The following BRD10 variants were observed in gnomAD, a reference collection of about 807,000 sequenced individuals.
BRD10 encodes bromodomain containing 10.
At chr9:6,007,557 G>A in the BRD10 span, 3 of 1,612,912 alleles carry the variant, frequency 1.9e-6, no homozygotes, top group Non-Finnish European at 2.5e-6. Context: ...GCTGTAGCTC[G>A]TAGGTCAGCT....
chr9:5,951,441 GATCT>G, the BRD10 span, among the ~76,000 whole-genome samples: 207 of 152,114 alleles, frequency 1.4e-3, no homozygotes, highest in African/African-American at 4.6e-3. Flanking sequence ...TTACAAAAGG[GATCT>G]ATTATCTATC....
the BRD10 span, among the ~76,000 whole-genome samples, chr9:5,879,432 T>C: frequency 3.3e-5 from 5 of 151,034 alleles, no homozygotes. Context: ...CTGATGGGAG[T>C]TGCAGCCCCC....
At chr9:5,889,247 T>C in the BRD10 span, among the ~76,000 whole-genome samples, 2 of 152,176 alleles carry the variant, frequency 1.3e-5, no homozygotes, top group Non-Finnish European at 2.9e-5. Flanking sequence ...TTGGAATAAA[T>C]TGGGCTACGA....
chr9:5,938,352 G>A, the BRD10 span, among the ~76,000 whole-genome samples: 2 of 151,980 alleles, frequency 1.3e-5, no homozygotes, highest in African/African-American at 4.8e-5. Context: ...TGAGGTGGGA[G>A]AATCACTTAA....
chr9:5,981,281 G>T, the BRD10 span, among the ~76,000 whole-genome samples: 1 of 152,322 alleles, frequency 6.6e-6, no homozygotes, highest in African/African-American at 2.4e-5. Flanking sequence ...TCCTTCAATA[G>T]AAGTATCTTC....
At chr9:5,899,472 C>T in the BRD10 span, among the ~76,000 whole-genome samples, 4 of 152,140 alleles carry the variant, frequency 2.6e-5, no homozygotes, top group African/African-American at 7.2e-5. Context: ...ACACACCCAC[C>T]GAGCATAGCC....
the BRD10 span, among the ~76,000 whole-genome samples, chr9:5,893,146 A>G: frequency 6.6e-6 from 1 of 152,214 alleles, no homozygotes; most frequent in Non-Finnish European, 1.5e-5. Flanking sequence ...CACTGTTTTT[A>G]TCTTTGAAAA....
At chr9:5,890,445 TC>T in the BRD10 span, among the ~76,000 whole-genome samples, 1 of 152,216 alleles carries the variant, frequency 6.6e-6, no homozygotes, top group Non-Finnish European at 1.5e-5. Context: ...CCATGAGTTC[TC>T]TGTGATGCCT....
the BRD10 span, among the ~76,000 whole-genome samples, chr9:5,945,593 G>T: frequency 6.2e-3 from 947 of 152,028 alleles, 11 homozygotes; most frequent in African/African-American, 0.022. Context: ...ATTTCACCTG[G>T]TAACATTGGC....
the BRD10 span, among the ~76,000 whole-genome samples, chr9:5,881,859 G>T: frequency 6.6e-6 from 1 of 152,192 alleles, no homozygotes; most frequent in African/African-American, 2.4e-5. Context: ...CTGAGTGACG[G>T]TTTAGTTCAC....
At chr9:6,007,831 G>C in the BRD10 span, 8 of 1,400,902 alleles carry the variant, frequency 5.7e-6, no homozygotes, top group Non-Finnish European at 7.4e-6. Context: ...AGCCGCTCGA[G>C]GTGCTGGGGG....
At chr9:5,950,747 T>G in the BRD10 span, among the ~76,000 whole-genome samples, 1 of 152,114 alleles carries the variant, frequency 6.6e-6, no homozygotes, top group Non-Finnish European at 1.5e-5. Flanking sequence ...AGGACTCACC[T>G]CTGAACCCTG....
chr9:5,988,733 G>C, the BRD10 span, among the ~76,000 whole-genome samples: 2,322 of 151,688 alleles, frequency 0.015, 31 homozygotes, highest in Non-Finnish European at 0.023. Flanking sequence ...TAAAATCAGA[G>C]TGACAGTCTC....
the BRD10 span, among the ~76,000 whole-genome samples, chr9:5,906,276 G>A: frequency 1.3e-5 from 2 of 150,016 alleles, no homozygotes; most frequent in Non-Finnish European, 3.0e-5. Flanking sequence ...GTTGCAGTGA[G>A]CCGAGATCGT....
At chr9:6,000,426 C>T in the BRD10 span, among the ~76,000 whole-genome samples, 1 of 152,076 alleles carries the variant, frequency 6.6e-6, no homozygotes, top group Non-Finnish European at 1.5e-5. Context: ...CAGAGACAGC[C>T]TAAAGATCAT....
the BRD10 span, among the ~76,000 whole-genome samples, chr9:5,889,404 G>C: frequency 6.6e-6 from 1 of 152,240 alleles, no homozygotes; most frequent in Non-Finnish European, 1.5e-5. Flanking sequence ...GAATCTTGAA[G>C]CATGAATGTG....
chr9:5,897,170 T>C, the BRD10 span, among the ~76,000 whole-genome samples: 3 of 152,264 alleles, frequency 2.0e-5, no homozygotes, highest in Non-Finnish European at 4.4e-5. Flanking sequence ...TGTTAATTTC[T>C]ATTTTCTCTT....
the BRD10 span, chr9:5,891,087 TCAGAGGGCTCA>T: frequency 1.1e-4 from 16 of 152,272 alleles, no homozygotes; most frequent in African/African-American, 3.9e-4. Flanking sequence ...GTCTCCAACC[TCAGAGGGCTCA>T]CAAAGCCTCC....
chr9:5,912,583 C>A, the BRD10 span, among the ~76,000 whole-genome samples: 2 of 152,182 alleles, frequency 1.3e-5, no homozygotes, highest in African/African-American at 4.8e-5. Flanking sequence ...ACAGCCTGGA[C>A]TGACTTAACA....
Sources: allele counts gnomAD v4.1 joint callset (sites outside exome capture counted in the v4.1 genomes callset), GRCh38; gene constraint gnomAD v4.1.1; transcripts MANE v1.5; gene names NCBI Gene and HGNC (gene_info 2026-07-23, HGNC 2026-07-21).